RSPO2: variants seen among roughly 807,000 people sequenced by gnomAD.
RSPO2 encodes R-spondin 2.
In RSPO2, 14 loss-of-function variants were observed where a neutral mutation model predicts 30.9. The observed-to-expected ratio is 0.45, with a 90% CI of 0.30 to 0.71. The LOEUF is 0.71. RSPO2 is among the 30% of genes least tolerant of loss of function. The probability of loss-of-function intolerance (pLI) is 0.08; values close to 1 mark genes in which losing one functional copy is unlikely to be tolerated. For synonymous variants in RSPO2, 107 were observed against 96.4 expected (o/e 1.11, Z -0.64); for missense variants, 264 against 301.9 (o/e 0.87, Z 0.93).
At chr8:108,082,298 G>T (rs1031988668) in intron 2 of RSPO2, among the ~76,000 whole-genome samples, 1 of 152,196 alleles carries the variant, frequency 6.6e-6, no homozygotes, top group African/African-American at 2.4e-5. Flanking sequence ...AGCCCTGAGC[G>T]CCCGATTGGC....
At chr8:107,929,719 T>C (rs1377284680) in intron 5 of RSPO2, among the ~76,000 whole-genome samples, 2 of 152,160 alleles carry the variant, frequency 1.3e-5, no homozygotes, top group Non-Finnish European at 2.9e-5. Context: ...TAGTATATAT[T>C]ATAGGAAACT....
At chr8:107,992,752 T>C (rs1298444792) in intron 2 of RSPO2, among the ~76,000 whole-genome samples, 1 of 152,096 alleles carries the variant, frequency 6.6e-6, no homozygotes, top group Non-Finnish European at 1.5e-5. Flanking sequence ...GGATAAAACT[T>C]TGACTGACAG....
At chr8:107,923,703 T>TA (rs1812261208) in intron 5 of RSPO2, among the ~76,000 whole-genome samples, 4 of 151,844 alleles carry the variant, frequency 2.6e-5, no homozygotes, top group African/African-American at 9.7e-5. Context: ...ATAAAGAAAA[T>TA]GTAGTACATA....
chr8:107,966,189 A>G (rs1301383863), intron 3 of RSPO2, among the ~76,000 whole-genome samples: 1 of 152,180 alleles, frequency 6.6e-6, no homozygotes, highest in Non-Finnish European at 1.5e-5. Flanking sequence ...AATAAAAATG[A>G]AGCTCAGTTC....
rs759193617 is a variant in RSPO2, at chr8:107,960,792, A to G, written c.309T>C (p.Ser103=). The G allele has an allele frequency of 1.9e-6, 3 of 1,606,778 alleles. No individual in the cohort carries two copies. The South Asian group carries it at 3.4e-5, about 18-fold the overall frequency. ...CARCRIENCD[S]CFSKDFCTKC... ...TGGTACAAAAGTCTTTGCTAAAGCA[A>G]GAATCACAGTTTTCTATTCTGCATC... is the stretch of plus-strand genomic sequence containing the variant. Residue 103 remains serine (S), a synonymous_variant, in exon 4 of 6, where the codon TCT becomes TCC. Transcript: ENST00000276659.
intron 2 of RSPO2, among the ~76,000 whole-genome samples, chr8:108,075,723 A>G (rs1479768610): frequency 6.6e-6 from 1 of 151,934 alleles, no homozygotes; most frequent in Non-Finnish European, 1.5e-5. Context: ...ATTATAAATA[A>G]TGAGAATACC....
At chr8:107,944,315 G>A (rs1404855304) in intron 5 of RSPO2, among the ~76,000 whole-genome samples, 1 of 152,154 alleles carries the variant, frequency 6.6e-6, no homozygotes, top group Non-Finnish European at 1.5e-5. Flanking sequence ...AATAAGTTTT[G>A]CTGAGGTACA....
At chr8:108,071,930 A>C (rs1022723596) in intron 2 of RSPO2, among the ~76,000 whole-genome samples, 1 of 152,140 alleles carries the variant, frequency 6.6e-6, no homozygotes, top group African/African-American at 2.4e-5. Flanking sequence ...ACTCTTCCCA[A>C]TACACTAGAC....
chr8:108,026,374 A>T (rs1238484712), intron 2 of RSPO2, among the ~76,000 whole-genome samples: 1 of 152,184 alleles, frequency 6.6e-6, no homozygotes, highest in African/African-American at 2.4e-5. Flanking sequence ...TGCAATTGGC[A>T]AAATTTGAAT....
chr8:107,993,902 T>G (rs974957292), intron 2 of RSPO2, among the ~76,000 whole-genome samples: 1 of 152,152 alleles, frequency 6.6e-6, no homozygotes, highest in Non-Finnish European at 1.5e-5. Flanking sequence ...GTCTCTTACA[T>G]TGACACTCTA....
chr8:108,055,800 T>A lies in RSPO2; in HGVS notation c.94+26745A>T, dbSNP rs550410039. The stretch of plus-strand genomic sequence containing the variant: ...GGCCAACAAGACGTTAAAAAAAAAA[T>A]TATCAATGGCTCAAGGCAATATGCC... On this transcript the variant is annotated intron_variant, in intron 2 of 5. Transcript: ENST00000276659. 1.9e-3 allele frequency among the ~76,000 whole-genome samples: 295 copies of A among 152,150 alleles called. 1 individual carries two copies. The highest frequency in any genetic ancestry group is 6.7e-3 in the African/African-American group (277 of 41,514).
chr8:107,958,291 G>GAA, intron 4 of RSPO2, 23 bp from the exon 5 acceptor site: 4 of 1,537,094 alleles, frequency 2.6e-6, no homozygotes, highest in Non-Finnish European at 3.5e-6. Flanking sequence ...TTTAGAAAAA[G>GAA]AAAAAAAAAC....
chr8:107,952,280 C>T (rs1813276259), intron 5 of RSPO2, among the ~76,000 whole-genome samples: 1 of 94,866 alleles, frequency 1.1e-5, no homozygotes, highest in African/African-American at 3.4e-5. Context: ...TTAAAACACA[C>T]ACACACATGC....
intron 2 of RSPO2, among the ~76,000 whole-genome samples, chr8:108,076,769 GAAGAA>G (rs1481389422): frequency 6.6e-6 from 1 of 152,042 alleles, no homozygotes; most frequent in Non-Finnish European, 1.5e-5. Context: ...GAAAAAAAAA[GAAGAA>G]AAGAAAAATT....
intron 5 of RSPO2, among the ~76,000 whole-genome samples, chr8:107,953,636 G>A (rs894731278): frequency 6.6e-6 from 1 of 152,136 alleles, no homozygotes; most frequent in Non-Finnish European, 1.5e-5. Flanking sequence ...CAAGGAAAAA[G>A]CACAGGAAAA....
intron 5 of RSPO2, among the ~76,000 whole-genome samples, chr8:107,916,424 A>C (rs1447059074): frequency 6.6e-6 from 1 of 152,174 alleles, no homozygotes. Context: ...ACATAATTAA[A>C]ATCACTTACT....
At chr8:108,027,661 T>C (rs1043871103) in intron 2 of RSPO2, among the ~76,000 whole-genome samples, 23 of 152,178 alleles carry the variant, frequency 1.5e-4, no homozygotes, top group Non-Finnish European at 4.4e-5. Flanking sequence ...GTTTTGGGGA[T>C]TGAATTCTAA....
chr8:107,960,835 G>C lies in RSPO2; in HGVS notation c.284-18C>G, dbSNP rs936207835. On this transcript the variant is annotated intron_variant, in intron 3 of 5. Transcript: ENST00000276659. Reference sequence around the variant, plus strand: ...TCTGCATCCTAAAAACAATTTTAAAGAGAAAAAAGAAAATTTCAGTCAAAG... The same window carrying C: ...TCTGCATCCTAAAAACAATTTTAAACAGAAAAAAGAAAATTTCAGTCAAAG... 6 of 1,538,492 alleles carry C rather than the reference G, an allele frequency of 3.9e-6. No individual in the cohort carries two copies. The highest frequency in any genetic ancestry group is 5.2e-6 in the Non-Finnish European group (6 of 1,143,130).
chr8:108,037,538 T>C (rs1011779213), intron 2 of RSPO2, among the ~76,000 whole-genome samples: 4 of 152,186 alleles, frequency 2.6e-5, no homozygotes, highest in African/African-American at 7.2e-5. Flanking sequence ...GAAGATTTAA[T>C]GAAGAAATGA....
Sources: gnomAD v4.1 joint callset for allele counts (sites outside exome capture counted in the v4.1 genomes callset) on GRCh38, gnomAD v4.1.1 for gene constraint, MANE v1.5 for transcripts, NCBI Gene and HGNC (gene_info 2026-07-23, HGNC 2026-07-21) for gene names.